The following TMPRSS9 variants were observed in gnomAD, a reference collection of about 807,000 sequenced individuals.
TMPRSS9 encodes transmembrane protease serine 9.
A neutral mutation model predicts 111.4 loss-of-function variants in TMPRSS9; 113 were observed. The observed-to-expected ratio is 1.01, with a 90% confidence interval of 0.87 to 1.19. The LOEUF (loss-of-function observed/expected upper bound fraction) is 1.19, where lower values mean the gene tolerates loss of function less well. Among genes scored for constraint, TMPRSS9 ranks in the 50% most tolerant of loss-of-function variants. The probability of loss-of-function intolerance (pLI) is 0.00; values close to 1 mark genes in which losing one functional copy is unlikely to be tolerated. For missense variants in TMPRSS9, 1,803 were observed against 1,513.1 expected (o/e 1.19, Z -3.18); for synonymous variants, 805 against 659.1 (o/e 1.22, Z -3.39).
chr19:2,379,947 T>G (rs1056229903), intron 1 of TMPRSS9, among the ~76,000 whole-genome samples: 30 of 151,752 alleles, frequency 2.0e-4, no homozygotes, highest in African/African-American at 7.3e-4. Context: ...TGGGGTCTTA[T>G]TATGTTGCCC....
At chr19:2,398,958 A>G in intron 3 of TMPRSS9, 60 bp from the exon 5 acceptor site, 1 of 1,562,266 alleles carries the variant, frequency 6.4e-7, no homozygotes, top group Non-Finnish European at 8.6e-7. Flanking sequence ...AGAAGATTCC[A>G]GAAGATTCCA....
chr19:2,405,852 C>A (rs1294977407), intron 7 of TMPRSS9, among the ~76,000 whole-genome samples: 1 of 149,830 alleles, frequency 6.7e-6, no homozygotes, highest in African/African-American at 2.5e-5. Context: ...ACTACAGGCG[C>A]CCGCCACCAC....
At chr19:2,383,049 T>G (rs572340710) in intron 1 of TMPRSS9, among the ~76,000 whole-genome samples, 1 of 152,284 alleles carries the variant, frequency 6.6e-6, no homozygotes, top group East Asian at 1.9e-4. Context: ...TTATTTAATA[T>G]CTACCGATTT....
At chr19:2,373,612 A>G (rs74512060) in intron 1 of TMPRSS9, among the ~76,000 whole-genome samples, 584 of 136,452 alleles carry the variant, frequency 4.3e-3, no homozygotes, top group African/African-American at 0.014. Flanking sequence ...TGATCCACCC[A>G]CCTCGGCCTC....
chr19:2,417,972 A>G (rs752119034), intron 12 of TMPRSS9, 30 bp from the exon 14 acceptor site: 2 of 1,610,990 alleles, frequency 1.2e-6, no homozygotes, highest in Non-Finnish European at 8.5e-7. Context: ...ATCACTGTGC[A>G]CGTGGCCTTT....
chr19:2,410,475 T>C lies in TMPRSS9; in HGVS notation c.1254+81T>C, dbSNP rs1001695364. The stretch of plus-strand genomic sequence containing the variant: ...TCAAATGCTGAGCAATTCACAGATA[T>C]CTGGATGCCCGCTGTGAGCCCCCAA... On this transcript the variant is annotated intron_variant, in intron 9 of 17. Coordinates refer to ENST00000648592, the Ensembl canonical transcript of TMPRSS9. 14 of 1,544,226 alleles carry C rather than the reference T, an allele frequency of 9.1e-6. No homozygotes were observed. In the African/African-American group the frequency reaches 1.6e-4, roughly 18 times the overall value.
chr19:2,370,981 A>T (rs960032138), intron 1 of TMPRSS9, among the ~76,000 whole-genome samples: 5 of 152,116 alleles, frequency 3.3e-5, no homozygotes, highest in Admixed American at 6.6e-5. Context: ...AAAATGCATG[A>T]CAATATTATG....
exon 10 of TMPRSS9, chr19:2,413,978 T>C (rs2145370117): frequency 6.2e-7 from 1 of 1,607,942 alleles, no homozygotes; most frequent in Non-Finnish European, 8.5e-7. Flanking sequence ...AGGCCCTCAG[T>C]ACCGTGCCTC....
chr19:2,416,961 CCA>C (rs1390010688), intron 12 of TMPRSS9, 152 bp downstream of exon 13: 1 of 1,089,460 alleles, frequency 9.2e-7, no homozygotes, highest in Non-Finnish European at 1.3e-6. Flanking sequence ...GTCCCGCTGC[CCA>C]CACACCTCTC....
chr19:2,393,969 G>A (rs529113830), intron 1 of TMPRSS9, among the ~76,000 whole-genome samples: 64 of 151,548 alleles, frequency 4.2e-4, no homozygotes, highest in Middle Eastern at 3.5e-3. Flanking sequence ...CTGGGAGGCC[G>A]GGTTGGGCGG....
intron 12 of TMPRSS9, among the ~76,000 whole-genome samples, chr19:2,417,304 A>G (rs1394011103): frequency 6.6e-6 from 1 of 152,058 alleles, no homozygotes; most frequent in Non-Finnish European, 1.5e-5. Flanking sequence ...CGTCTCTACT[A>G]GAAATACAAA....
rs1971243171 is a variant in TMPRSS9, at chr19:2,416,709, C to T, written c.1917C>T (p.Asn639=). The T allele has an allele frequency of 1.9e-6, 3 of 1,613,132 alleles. No homozygotes were observed. The African/African-American group carries it at 4.0e-5, about 22-fold the overall frequency. The change falls in exon 12 of 18, where the codon AAC becomes AAT. Residue 639 remains asparagine, a synonymous_variant. Transcript: ENST00000648592. ...AGCTGGCCAGCCCCCTGGCCTTCAACAAATACATCCAGCCTGTCTGCCTGC... is the reference window on the plus strand; with the variant it reads ...AGCTGGCCAGCCCCCTGGCCTTCAATAAATACATCCAGCCTGTCTGCCTGC...
At chr19:2,362,634 CTG>C (rs1170969909) in intron 1 of TMPRSS9, among the ~76,000 whole-genome samples, 73 of 152,068 alleles carry the variant, frequency 4.8e-4, no homozygotes, top group Middle Eastern at 3.4e-3. Flanking sequence ...GTCTGTATGA[CTG>C]TGTATGGTGG....
chr19:2,372,977 G>T (rs539473307), intron 1 of TMPRSS9, among the ~76,000 whole-genome samples: 27 of 151,588 alleles, frequency 1.8e-4, no homozygotes, highest in Non-Finnish European at 3.2e-4. Flanking sequence ...AACCACAGGC[G>T]TGCACCACCA....
At chr19:2,411,299 CAAAAAAAAAAAAAAAAAAAAA>C (rs771305642) in intron 9 of TMPRSS9, among the ~76,000 whole-genome samples, 3 of 32,304 alleles carry the variant, frequency 9.3e-5, no homozygotes, top group African/African-American at 4.4e-4. Context: ...GACTCTGTCT[CAAAAAAAAAAAAAAAAAAAAA>C]AAAAAAAAAA....
intron 12 of TMPRSS9, among the ~76,000 whole-genome samples, chr19:2,417,162 T>C (rs979269568): frequency 6.6e-6 from 1 of 152,088 alleles, no homozygotes; most frequent in Non-Finnish European, 1.5e-5. Context: ...TCTCTGACCA[T>C]TTATAGAAAA....
intron 17 of TMPRSS9, 127 bp from the exon 19 acceptor site, chr19:2,425,800 T>C: frequency 7.3e-7 from 1 of 1,368,734 alleles, no homozygotes; most frequent in Admixed American, 2.5e-5. Context: ...TTGAGCCCAT[T>C]TTCCAGATAG....
rs62119756 is a variant in TMPRSS9, at chr19:2,360,265, A to C, written c.-121A>C. 8.4e-3 allele frequency among the ~76,000 whole-genome samples: 1,276 copies of C among 152,184 alleles called. 17 individuals are homozygous for C. The highest frequency in any genetic ancestry group is 0.067 in the East Asian group (348 of 5,158). ...ACTTCGGGGTGGGCGGGATCCGGGCAGTAGCGGTGCAGCCTCGTCGTCCGG... is the reference window on the plus strand; with the variant it reads ...ACTTCGGGGTGGGCGGGATCCGGGCCGTAGCGGTGCAGCCTCGTCGTCCGG... On this transcript the variant is annotated 5_prime_UTR_variant, in exon 1 of 18. Coordinates refer to the TMPRSS9 transcript ENST00000649857.
chr19:2,390,759 A>G (rs1970572603), intron 1 of TMPRSS9, among the ~76,000 whole-genome samples: 1 of 151,922 alleles, frequency 6.6e-6, no homozygotes, highest in African/African-American at 2.4e-5. Context: ...AGGCTGAGGC[A>G]GGAGAATCGC....
Sources: gnomAD v4.1 joint callset for allele counts (sites outside exome capture counted in the v4.1 genomes callset) on GRCh38, gnomAD v4.1.1 for gene constraint, MANE v1.5 for transcripts, NCBI Gene and HGNC (gene_info 2026-07-23, HGNC 2026-07-21) for gene names.